The following DUSP10 variants were observed in gnomAD, a reference collection of about 807,000 sequenced individuals.
DUSP10 encodes dual specificity phosphatase 10.
DUSP10 carries 14 observed loss-of-function variants against 30.8 expected under a neutral mutation model. The ratio of observed to expected loss-of-function variants is 0.46; its 90% CI spans 0.30 to 0.71. DUSP10 has a LOEUF of 0.71. Among genes scored for constraint, DUSP10 ranks in the 30% least tolerant of loss-of-function variants. The pLI is 0.08. For synonymous variants in DUSP10, 254 were observed against 250.4 expected (o/e 1.01, Z -0.14); for missense variants, 550 against 619.4 (o/e 0.89, Z 1.19).
Position 221,730,874 on chromosome 1 carries a change from T to C in DUSP10, c.811+8060A>G, listed in dbSNP as rs1290810176. On this transcript the variant is annotated intron_variant, in intron 2 of 3. Transcript: ENST00000366899. ...TGTAACTCCAACTTTTAAGTAATAA[T>C]AGATGATATAGACATAACCTGGAAA... 2.0e-5 allele frequency among the ~76,000 whole-genome samples: 3 copies of C among 152,130 alleles called. No homozygotes were observed. In the East Asian group the frequency reaches 5.8e-4, roughly 29 times the overall value.
At chr1:221,707,948 G>T (rs1660815560) in intron 2 of DUSP10, among the ~76,000 whole-genome samples, 1 of 152,086 alleles carries the variant, frequency 6.6e-6, no homozygotes. Context: ...ACACACAATG[G>T]CATGCACAGA....
At chr1:221,725,602 C>T (rs768349174) in intron 2 of DUSP10, among the ~76,000 whole-genome samples, 2 of 152,160 alleles carry the variant, frequency 1.3e-5, no homozygotes, top group Admixed American at 1.3e-4. Context: ...GGAAGACAAG[C>T]TAATTATCTG....
At chr1:221,703,754 GCTTC>G (rs1660677256) in intron 3 of DUSP10, among the ~76,000 whole-genome samples, 2 of 152,146 alleles carry the variant, frequency 1.3e-5, no homozygotes, top group African/African-American at 4.8e-5. Flanking sequence ...CCCTAAGAAA[GCTTC>G]CTTGAAGGAA....
intron 2 of DUSP10, among the ~76,000 whole-genome samples, chr1:221,712,835 C>T (rs1288259781): frequency 6.8e-6 from 1 of 147,528 alleles, no homozygotes; most frequent in Admixed American, 6.7e-5. Flanking sequence ...GTGGGTCTGC[C>T]ACATGCCAAG....
rs752256670 is a variant in DUSP10, at chr1:221,706,167, T to G, written c.1111A>C (p.Lys371Gln). ...YHYEKGLFNY[K>Q]RLPATDSNKQ... Reference sequence around the variant, plus strand: ...TTGCTGTCAGTGGCTGGCAGCCGCTTGTAGTTGAACAGGCCTTTCTCATAG... The same window carrying G: ...TTGCTGTCAGTGGCTGGCAGCCGCTGGTAGTTGAACAGGCCTTTCTCATAG... The change falls in exon 3 of 4, where the codon AAG (lysine) becomes CAG (glutamine). Residue 371 changes from lysine (K) to glutamine (Q), a missense_variant. Transcript: ENST00000366899. This position sits in a 1 kb window ranked among gnomAD's most constrained non-coding sequence, Gnocchi z 4.6. 1 of 1,614,076 alleles carries G rather than the reference T, an allele frequency of 6.2e-7. No homozygotes were observed. Among genetic ancestry groups the G allele is most frequent in the South Asian group, 1.1e-5 (1 of 91,076 alleles).
intron 2 of DUSP10, among the ~76,000 whole-genome samples, chr1:221,707,227 A>G (rs1660795619): frequency 6.6e-6 from 1 of 152,244 alleles, no homozygotes; most frequent in Non-Finnish European, 1.5e-5. Flanking sequence ...ATGATTGCCC[A>G]CAGGTGAAAT....
chr1:221,713,105 A>C (rs1660989059), intron 2 of DUSP10, among the ~76,000 whole-genome samples: 1 of 152,220 alleles, frequency 6.6e-6, no homozygotes, highest in Non-Finnish European at 1.5e-5. Context: ...GTGTTGCTAG[A>C]GATGAACTTT....
intron 2 of DUSP10, among the ~76,000 whole-genome samples, chr1:221,717,969 T>G (rs1661158330): frequency 6.6e-6 from 1 of 152,094 alleles, no homozygotes; most frequent in African/African-American, 2.4e-5. Flanking sequence ...ATACAACGTA[T>G]AATACTTACT....
intron 2 of DUSP10, among the ~76,000 whole-genome samples, chr1:221,721,088 G>T (rs1446752815): frequency 6.6e-6 from 1 of 152,186 alleles, no homozygotes; most frequent in Non-Finnish European, 1.5e-5. Context: ...GCTAATAATA[G>T]TCCTAACAGG....
At chr1:221,727,052 A>G (rs1661443776) in intron 2 of DUSP10, among the ~76,000 whole-genome samples, 1 of 152,158 alleles carries the variant, frequency 6.6e-6, no homozygotes, top group African/African-American at 2.4e-5. Context: ...CATTTTATAG[A>G]CAAGCAAACA....
At chr1:221,715,419 CGGCTGGAGTA>C (rs1393917916) in intron 2 of DUSP10, among the ~76,000 whole-genome samples, 4 of 152,168 alleles carry the variant, frequency 2.6e-5, no homozygotes, top group Non-Finnish European at 5.9e-5. Flanking sequence ...GGATTTCCGC[CGGCTGGAGTA>C]GCTCAGTCCA....
intron 2 of DUSP10, among the ~76,000 whole-genome samples, chr1:221,732,862 A>G (rs926569016): frequency 6.6e-6 from 1 of 152,228 alleles, no homozygotes. Context: ...AATCACCTTC[A>G]GGTGATACCA....
In DUSP10 at chr1:221,739,271, C is replaced by T; in HGVS notation, c.474G>A (p.Lys158=). Reference sequence around the variant, plus strand: ...GGTGACTCTTGCTGCATTTGGTCATCTTCTTTGCCAAGTCATTGGGGTAGA... The same window carrying T: ...GGTGACTCTTGCTGCATTTGGTCATTTTCTTTGCCAAGTCATTGGGGTAGA... ...KIIYPNDLAK[K]MTKCSKSHLP... Residue 158 remains lysine, a synonymous_variant, in exon 2 of 4, where the codon AAG becomes AAA. Transcript: ENST00000366899. The T allele has an allele frequency of 6.2e-7, 1 of 1,614,198 alleles. No homozygotes were observed. Among genetic ancestry groups the T allele is most frequent in the Non-Finnish European group, 8.5e-7 (1 of 1,180,042 alleles).
At chr1:221,724,398 T>C (rs1366620646) in intron 2 of DUSP10, among the ~76,000 whole-genome samples, 1 of 152,156 alleles carries the variant, frequency 6.6e-6, no homozygotes, top group African/African-American at 2.4e-5. Flanking sequence ...GGTAAAATAT[T>C]GCTAATATAT....
intron 3 of DUSP10, among the ~76,000 whole-genome samples, chr1:221,704,094 T>A (rs769010928): frequency 4.6e-5 from 7 of 152,172 alleles, no homozygotes; most frequent in African/African-American, 1.2e-4. Flanking sequence ...CAGGAATAAA[T>A]AAACTGGTAT....
chr1:221,716,911 T>C (rs1055501814), intron 2 of DUSP10, among the ~76,000 whole-genome samples: 1 of 152,352 alleles, frequency 6.6e-6, no homozygotes, highest in African/African-American at 2.4e-5. Context: ...TTCACTGTTA[T>C]AATCTCTTGT....
intron 2 of DUSP10, among the ~76,000 whole-genome samples, chr1:221,716,314 C>T (rs1239923257): frequency 6.6e-6 from 1 of 152,230 alleles, no homozygotes; most frequent in Non-Finnish European, 1.5e-5. Flanking sequence ...TCACCCTCCC[C>T]ATTCTGTCTC....
chr1:221,714,008 T>C (rs1661019973), intron 2 of DUSP10, among the ~76,000 whole-genome samples: 1 of 152,164 alleles, frequency 6.6e-6, no homozygotes, highest in African/African-American at 2.4e-5. Context: ...ATAATAAAAG[T>C]TGTTCATTTT....
intron 2 of DUSP10, among the ~76,000 whole-genome samples, chr1:221,724,113 G>A (rs1324108219): frequency 2.0e-5 from 3 of 152,138 alleles, no homozygotes; most frequent in African/African-American, 2.4e-5. Context: ...TGAGGACAAC[G>A]GCCAGACAAA....
Sources: allele counts gnomAD v4.1 joint callset (sites outside exome capture counted in the v4.1 genomes callset), GRCh38; gene constraint gnomAD v4.1.1; non-coding constraint Gnocchi (gnomAD v3.1); transcripts MANE v1.5; gene names NCBI Gene and HGNC (gene_info 2026-07-23, HGNC 2026-07-21).